Variants in GRHL2 observed in about 807,000 individuals in gnomAD.
GRHL2 encodes grainyhead-like protein 2 homolog.
In GRHL2, 21 loss-of-function variants were observed where a neutral mutation model predicts 83.8. The observed-to-expected ratio is 0.25, with a 90% CI of 0.18 to 0.36. The LOEUF (loss-of-function observed/expected upper bound fraction) is 0.36, where lower values mean the gene tolerates loss of function less well. Among genes scored for constraint, GRHL2 ranks in the 10% least tolerant of loss-of-function variants. The pLI is 1.00. For missense variants in GRHL2, 623 were observed against 781.8 expected, an observed-to-expected ratio of 0.80 and a Z score of 2.42; for synonymous variants, 280 against 278.9, an observed-to-expected ratio of 1.00 and a Z score of -0.04.
chr8:101,567,810 A>G (rs1811745754), intron 4 of GRHL2, among the ~76,000 whole-genome samples: 2 of 152,320 alleles, frequency 1.3e-5, no homozygotes, highest in Admixed American at 1.3e-4. Flanking sequence ...CACAGAATTT[A>G]CAAGTCCAAT....
intron 10 of GRHL2, 30 bp downstream of exon 10, chr8:101,631,754 C>T (rs1413958576): frequency 6.4e-7 from 1 of 1,568,534 alleles, no homozygotes; most frequent in Non-Finnish European, 8.8e-7. Context: ...ATGTTGCTTT[C>T]TAAAGACTCC....
At chr8:101,582,226 A>T (rs1408296630) in intron 7 of GRHL2, among the ~76,000 whole-genome samples, 2 of 115,238 alleles carry the variant, frequency 1.7e-5, no homozygotes, top group Non-Finnish European at 3.6e-5. Context: ...CAACAGAGCA[A>T]GACTCCGTCT....
intron 7 of GRHL2, among the ~76,000 whole-genome samples, chr8:101,578,422 T>C (rs1485721655): frequency 2.0e-5 from 3 of 152,108 alleles, no homozygotes; most frequent in African/African-American, 4.8e-5. Flanking sequence ...GTGCCTCCCA[T>C]CGGCAGAATT....
At chr8:101,676,880 T>C in the GRHL2 span, among the ~76,000 whole-genome samples, 6 of 152,170 alleles carry the variant, frequency 3.9e-5, no homozygotes, top group East Asian at 1.9e-4. Context: ...ACTATGCAGC[T>C]ATAAAAAATG....
At chr8:101,590,327 T>A (rs917103141) in intron 7 of GRHL2, among the ~76,000 whole-genome samples, 1 of 152,178 alleles carries the variant, frequency 6.6e-6, no homozygotes, top group Admixed American at 6.5e-5. Context: ...GACAAAAAAA[T>A]CTCAGAATCT....
chr8:101,553,619 A>G (rs949638173), intron 3 of GRHL2, among the ~76,000 whole-genome samples: 3 of 135,824 alleles, frequency 2.2e-5, no homozygotes, highest in African/African-American at 8.4e-5. Context: ...AAACTCATCC[A>G]CTTCTTTTTT....
intron 8 of GRHL2, among the ~76,000 whole-genome samples, chr8:101,609,064 G>A (rs1379839929): frequency 6.6e-6 from 1 of 150,518 alleles, no homozygotes; most frequent in East Asian, 1.9e-4. Context: ...TCATGAGAAA[G>A]GACGAGATTG....
At chr8:101,625,780 A>T (rs1266289341) in intron 9 of GRHL2, among the ~76,000 whole-genome samples, 1 of 152,078 alleles carries the variant, frequency 6.6e-6, no homozygotes, top group African/African-American at 2.4e-5. Flanking sequence ...AGTGCTAAGT[A>T]AAAGAAAATG....
chr8:101,651,948 G>A (rs778357319), intron 14 of GRHL2, among the ~76,000 whole-genome samples: 68 of 152,194 alleles, frequency 4.5e-4, no homozygotes, highest in Non-Finnish European at 4.7e-4. Context: ...AGGATCCTCG[G>A]GTGATGCAGT....
intron 1 of GRHL2, among the ~76,000 whole-genome samples, chr8:101,519,628 C>T (rs1345891809): frequency 1.4e-5 from 2 of 143,948 alleles, no homozygotes; most frequent in African/African-American, 2.6e-5. Context: ...TTATTTAAAT[C>T]ATCTCAAGTA....
chr8:101,532,486 T>G (rs916243343), intron 1 of GRHL2, among the ~76,000 whole-genome samples: 3 of 152,098 alleles, frequency 2.0e-5, no homozygotes, highest in African/African-American at 7.2e-5. Context: ...CCGCGGTGGC[T>G]CATGCCTGTT....
chr8:101,598,453 T>A (rs957553247), intron 7 of GRHL2, among the ~76,000 whole-genome samples: 8 of 151,976 alleles, frequency 5.3e-5, no homozygotes, highest in African/African-American at 1.9e-4. Flanking sequence ...TTAGCCAGGC[T>A]GGTCTCAAGC....
the GRHL2 span, among the ~76,000 whole-genome samples, chr8:101,675,179 A>G: frequency 6.6e-6 from 1 of 152,144 alleles, no homozygotes; most frequent in South Asian, 2.1e-4. Context: ...CACCACTCCT[A>G]TTCAACATAG....
At chr8:101,573,876 G>A (rs1002360762) in intron 6 of GRHL2, 52 bp downstream of exon 6, 4 of 1,587,414 alleles carry the variant, frequency 2.5e-6, no homozygotes, top group Non-Finnish European at 1.7e-6. Context: ...TGAACGGAAT[G>A]GCTACCTCAC....
chr8:101,667,129 G>T lies in GRHL2; in HGVS notation c.*426G>T. The T allele has an allele frequency of 3.8e-6, 1 of 261,658 alleles. No homozygotes were observed. Among genetic ancestry groups the T allele is most frequent in the Non-Finnish European group, 7.6e-6 (1 of 131,682 alleles). 16.2% of individuals were successfully genotyped at this position (261,658 alleles called of 1,614,324 possible). ...TCCATATCTATCTCCCGAGTGGCTGGACAAAATGAGCTACGTCTGGGTGCA... is the reference window on the plus strand; with the variant it reads ...TCCATATCTATCTCCCGAGTGGCTGTACAAAATGAGCTACGTCTGGGTGCA... On this transcript the variant is annotated 3_prime_UTR_variant, in exon 16 of 16. Transcript: ENST00000646743.
intron 4 of GRHL2, among the ~76,000 whole-genome samples, chr8:101,567,832 G>A (rs1357824235): frequency 2.6e-5 from 4 of 152,146 alleles, no homozygotes; most frequent in Admixed American, 2.6e-4. Flanking sequence ...TGCTTTAGGA[G>A]GTTAGCCTAT....
intron 8 of GRHL2, among the ~76,000 whole-genome samples, chr8:101,613,315 G>T (rs1343252537): frequency 6.6e-6 from 1 of 150,492 alleles, no homozygotes; most frequent in African/African-American, 2.5e-5. Flanking sequence ...AAGAAAGGAA[G>T]AAATGAAATA....
the GRHL2 span, among the ~76,000 whole-genome samples, chr8:101,676,607 T>C: frequency 6.6e-6 from 1 of 152,154 alleles, no homozygotes; most frequent in South Asian, 2.1e-4. Flanking sequence ...TTTTACACTG[T>C]TTGTGGGACT....
chr8:101,602,285 A>G (rs1167691332), intron 8 of GRHL2, among the ~76,000 whole-genome samples: 1 of 152,266 alleles, frequency 6.6e-6, no homozygotes, highest in Non-Finnish European at 1.5e-5. Flanking sequence ...CAAAGCAAGA[A>G]GTAAAAGGCA....
Sources: gnomAD v4.1 joint callset for allele counts (sites outside exome capture counted in the v4.1 genomes callset) on GRCh38, gnomAD v4.1.1 for gene constraint, MANE v1.5 for transcripts, NCBI Gene and HGNC (gene_info 2026-07-23, HGNC 2026-07-21) for gene names.